The following WWOX variants were observed in gnomAD, a reference collection of about 807,000 sequenced individuals.
WWOX encodes WW domain-containing oxidoreductase.
Under a neutral mutation model 46.2 loss-of-function variants are expected in WWOX, and 69 were observed. The observed-to-expected ratio is 1.49, with a 90% CI of 1.23 to 1.82. The LOEUF (loss-of-function observed/expected upper bound fraction) is 1.82, where lower values mean the gene tolerates loss of function less well. Ranked by LOEUF, WWOX falls within the 40% of genes most tolerant of loss-of-function variation. The pLI is 0.00. For synonymous variants in WWOX, 359 were observed against 202.6 expected (o/e 1.77, Z -6.56); for missense variants, 919 against 542.6 (o/e 1.69, Z -6.89).
intron 8 of WWOX, among the ~76,000 whole-genome samples, chr16:78,915,757 T>C (rs868405687): frequency 5.3e-5 from 8 of 152,190 alleles, no homozygotes; most frequent in African/African-American, 1.2e-4. Flanking sequence ...CATTTGCTTA[T>C]TGGAATCACT....
At chr16:78,292,820 A>T (rs1487985130) in intron 5 of WWOX, among the ~76,000 whole-genome samples, 3 of 152,204 alleles carry the variant, frequency 2.0e-5, no homozygotes, top group Non-Finnish European at 4.4e-5. Context: ...TGTGCACTTC[A>T]TTAAAATACT....
At chr16:79,072,494 C>T (rs377276926) in intron 8 of WWOX, among the ~76,000 whole-genome samples, 1 of 152,150 alleles carries the variant, frequency 6.6e-6, no homozygotes, top group East Asian at 1.9e-4. Context: ...GAGTTTATTT[C>T]TGGACAGAGA....
At chr16:78,791,008 G>C (rs572700202) in intron 8 of WWOX, among the ~76,000 whole-genome samples, 30 of 92,838 alleles carry the variant, frequency 3.2e-4, no homozygotes, top group African/African-American at 1.3e-3. Context: ...GACAGATCCA[G>C]ACCCTGTCTC....
intron 5 of WWOX, among the ~76,000 whole-genome samples, chr16:78,206,679 C>A (rs1310496549): frequency 6.6e-6 from 1 of 152,088 alleles, no homozygotes; most frequent in African/African-American, 2.4e-5. Context: ...TTATGAAAAT[C>A]ATTACTGATT....
At chr16:78,600,185 A>G (rs527928764) in intron 8 of WWOX, among the ~76,000 whole-genome samples, 4 of 152,226 alleles carry the variant, frequency 2.6e-5, no homozygotes, top group Admixed American at 2.6e-4. Context: ...ACTTGCCCTC[A>G]TGATTCAGTT....
At chr16:78,217,112 G>T (rs116361921) in intron 5 of WWOX, among the ~76,000 whole-genome samples, 1 of 152,166 alleles carries the variant, frequency 6.6e-6, no homozygotes, top group Admixed American at 6.5e-5. Context: ...CCATATTCAC[G>T]GGTTTCAGGG....
intron 8 of WWOX, among the ~76,000 whole-genome samples, chr16:78,727,876 C>G (rs767113071): frequency 2.0e-5 from 3 of 151,924 alleles, no homozygotes; most frequent in South Asian, 2.1e-4. Flanking sequence ...ACTCTAAACT[C>G]TTAGTAGTTA....
chr16:79,080,463 T>A (rs1397668959), intron 8 of WWOX, among the ~76,000 whole-genome samples: 2 of 152,098 alleles, frequency 1.3e-5, no homozygotes, highest in Non-Finnish European at 2.9e-5. Flanking sequence ...AGAATTCAAT[T>A]CTTCTCTTGC....
chr16:79,120,370 G>T (rs937681012), intron 8 of WWOX, among the ~76,000 whole-genome samples: 6 of 152,180 alleles, frequency 3.9e-5, no homozygotes, highest in African/African-American at 1.4e-4. Flanking sequence ...TCAAAAGTAG[G>T]TACAGATGGG....
intron 8 of WWOX, among the ~76,000 whole-genome samples, chr16:79,099,211 C>T (rs894169478): frequency 3.9e-5 from 6 of 152,158 alleles, no homozygotes; most frequent in African/African-American, 1.4e-4. Context: ...GTCCCCATGA[C>T]CCAAACACCT....
intron 8 of WWOX, among the ~76,000 whole-genome samples, chr16:78,745,205 G>T (rs1236106156): frequency 6.6e-6 from 1 of 152,172 alleles, no homozygotes; most frequent in Non-Finnish European, 1.5e-5. Flanking sequence ...GAAGAACTCA[G>T]TATTAAGGCA....
At position 78,386,949 on chromosome 16, in the gene WWOX, G is replaced by T; in HGVS notation, c.605+1G>T. The stretch of plus-strand genomic sequence containing the variant: ...CTGAAGCATTCAAGGCCAAGAATGT[G>T]TGAGTGTTCCAGTGGAGGGTTATAG... On this transcript the variant is annotated splice_donor_variant, in intron 6 of 8. Coordinates refer to ENST00000566780, the MANE Select transcript of WWOX (RefSeq NM_016373.4). LOFTEE classifies it high-confidence loss of function. 1 of 1,613,818 alleles carries T rather than the reference G, an allele frequency of 6.2e-7. No individual in the cohort carries two copies. The highest frequency in any genetic ancestry group is 1.1e-5 in the South Asian group (1 of 91,068).
At chr16:78,635,392 C>T (rs566695765) in intron 8 of WWOX, among the ~76,000 whole-genome samples, 2 of 152,200 alleles carry the variant, frequency 1.3e-5, no homozygotes, top group East Asian at 1.9e-4. Context: ...TGCGACTGCT[C>T]ATCTGGGAGG....
chr16:78,624,799 A>G (rs1188954698), intron 8 of WWOX, among the ~76,000 whole-genome samples: 1 of 152,218 alleles, frequency 6.6e-6, no homozygotes, highest in Non-Finnish European at 1.5e-5. Context: ...AGAAGGTATT[A>G]TTCCCTGTAC....
intron 5 of WWOX, among the ~76,000 whole-genome samples, chr16:78,369,563 A>G (rs1346739411): frequency 1.3e-5 from 2 of 152,176 alleles, no homozygotes; most frequent in Non-Finnish European, 2.9e-5. Flanking sequence ...TGCACCTGCC[A>G]CAGTATTGAG....
chr16:78,995,512 A>G (rs1442582591), intron 8 of WWOX, among the ~76,000 whole-genome samples: 2 of 152,096 alleles, frequency 1.3e-5, no homozygotes, highest in African/African-American at 4.8e-5. Flanking sequence ...CCAAGCTGGA[A>G]CTTGGAGAGC....
chr16:79,042,728 G>GTTTTTTTTTTTTTTTTTTTTTTTTT (rs11379084), intron 8 of WWOX, among the ~76,000 whole-genome samples: 1 of 143,126 alleles, frequency 7.0e-6, no homozygotes. Context: ...AATACTCAGG[G>GTTTTTTTTTTTTTTTTTTTTTTTTT]TTTTTTTTTT....
At chr16:78,660,548 G>C (rs1318498214) in intron 8 of WWOX, among the ~76,000 whole-genome samples, 2 of 152,004 alleles carry the variant, frequency 1.3e-5, no homozygotes, top group African/African-American at 4.8e-5. Context: ...GGGCCTCCTG[G>C]TCCTGCAAAA....
rs1258398716 is a variant in WWOX, at chr16:78,349,469, G to A, written c.517-37391G>A. ...ATATCATGCTTTTCAGAGACCATCTGCATCCTTATCTCACTTAATCCTTGC... is the reference window on the plus strand; with the variant it reads ...ATATCATGCTTTTCAGAGACCATCTACATCCTTATCTCACTTAATCCTTGC... On this transcript the variant is annotated intron_variant, in intron 5 of 8. Transcript: ENST00000566780. Among the ~76,000 whole-genome samples the A allele has an allele frequency of 5.8e-5, 7 of 120,616 alleles. 3 individuals are homozygous for A. Among genetic ancestry groups the A allele is most frequent in the African/African-American group, 1.4e-4 (5 of 35,594 alleles). 79.1% of individuals were successfully genotyped at this position (120,616 alleles called of 152,430 possible). A position where few individuals can be genotyped will look rare whatever the true frequency, so the allele number is the denominator to read the frequency against.
Sources: gnomAD v4.1 joint callset for allele counts (sites outside exome capture counted in the v4.1 genomes callset) on GRCh38, gnomAD v4.1.1 for gene constraint, MANE v1.5 for transcripts, NCBI Gene and HGNC (gene_info 2026-07-23, HGNC 2026-07-21) for gene names.